Variants in CACNA2D3 observed in about 807,000 individuals in gnomAD.
CACNA2D3 encodes the protein voltage-dependent calcium channel subunit alpha-2/delta-3.
Under a neutral mutation model 160.6 loss-of-function variants are expected in CACNA2D3, and 60 were observed. The observed-to-expected ratio is 0.37, with a 90% CI of 0.30 to 0.46. CACNA2D3 has a LOEUF of 0.46. CACNA2D3 is among the 20% of genes least tolerant of loss of function. The probability of loss-of-function intolerance (pLI) is 1.00; values close to 1 mark genes in which losing one functional copy is unlikely to be tolerated. For missense variants in CACNA2D3, 1,205 were observed against 1,365.0 expected, an observed-to-expected ratio of 0.88 and a Z score of 1.85; for synonymous variants, 558 against 492.9, an observed-to-expected ratio of 1.13 and a Z score of -1.75.
intron 5 of CACNA2D3, among the ~76,000 whole-genome samples, chr3:54,541,747 C>T (rs1361693736): frequency 6.6e-6 from 1 of 152,152 alleles, no homozygotes; most frequent in Non-Finnish European, 1.5e-5. Context: ...GAGGATCTGT[C>T]CTGAATTAGA....
chr3:54,274,741 G>A (rs1198256397), intron 2 of CACNA2D3, among the ~76,000 whole-genome samples: 1 of 152,180 alleles, frequency 6.6e-6, no homozygotes, highest in Non-Finnish European at 1.5e-5. Context: ...TCGGCTAGGG[G>A]GGAACTGCAT....
At chr3:54,444,517 T>A (rs1471285162) in intron 4 of CACNA2D3, among the ~76,000 whole-genome samples, 2 of 152,204 alleles carry the variant, frequency 1.3e-5, no homozygotes, top group Non-Finnish European at 2.9e-5. Flanking sequence ...GGTGGGCCTT[T>A]TCATAAACTG....
chr3:54,937,340 T>C (rs1304216791), intron 27 of CACNA2D3, among the ~76,000 whole-genome samples: 1 of 152,180 alleles, frequency 6.6e-6, no homozygotes, highest in Non-Finnish European at 1.5e-5. Flanking sequence ...AGAAATTCAT[T>C]ATACCACTAT....
At chr3:54,575,615 C>A (rs898574445) in intron 8 of CACNA2D3, among the ~76,000 whole-genome samples, 1 of 152,108 alleles carries the variant, frequency 6.6e-6, no homozygotes, top group African/African-American at 2.4e-5. Flanking sequence ...TTGGGGGCTA[C>A]CAGGAAGCAG....
At chr3:54,914,068 CGTGTT>C (rs1391979655) in intron 27 of CACNA2D3, among the ~76,000 whole-genome samples, 1 of 152,118 alleles carries the variant, frequency 6.6e-6, no homozygotes, top group Non-Finnish European at 1.5e-5. Flanking sequence ...TGGTGAGGAT[CGTGTT>C]GTGTTATCTA....
At chr3:54,421,000 C>G (rs1699828454) in intron 4 of CACNA2D3, among the ~76,000 whole-genome samples, 1 of 152,296 alleles carries the variant, frequency 6.6e-6, no homozygotes, top group African/African-American at 2.4e-5. Context: ...CTGTTTTCTT[C>G]CTCTATTGGG....
chr3:54,511,325 C>T (rs1701455414), intron 5 of CACNA2D3, among the ~76,000 whole-genome samples: 1 of 152,024 alleles, frequency 6.6e-6, no homozygotes, highest in South Asian at 2.1e-4. Context: ...ACTCTCCTCC[C>T]TTGAACTTGG....
chr3:54,376,105 C>T lies in CACNA2D3; in HGVS notation c.322-10610C>T, dbSNP rs576412590. ...GGGTCTTATGGCCCATGAGACCTCCCGCTGCACACAGGCCACAGTACTCCT... is the reference window on the plus strand; with the variant it reads ...GGGTCTTATGGCCCATGAGACCTCCTGCTGCACACAGGCCACAGTACTCCT... On this transcript the variant is annotated intron_variant, in intron 3 of 37. Transcript: ENST00000474759. Among the ~76,000 whole-genome samples the T allele has an allele frequency of 4.6e-5, 7 of 152,206 alleles. No homozygotes were observed. The South Asian group carries it at 6.2e-4, about 14-fold the overall frequency.
chr3:54,233,424 A>G (rs1218777725), intron 2 of CACNA2D3, among the ~76,000 whole-genome samples: 1 of 152,214 alleles, frequency 6.6e-6, no homozygotes, highest in African/African-American at 2.4e-5. Flanking sequence ...AGCACCAATG[A>G]ATGCCACAGG....
intron 14 of CACNA2D3, among the ~76,000 whole-genome samples, chr3:54,822,822 T>TCTTG (rs1703663428): frequency 9.0e-6 from 1 of 110,884 alleles, no homozygotes; most frequent in East Asian, 2.5e-4. Context: ...TTTCTTTCTT[T>TCTTG]CTTTCTTTCT....
At chr3:54,236,689 A>G (rs1231681539) in intron 2 of CACNA2D3, among the ~76,000 whole-genome samples, 1 of 152,160 alleles carries the variant, frequency 6.6e-6, no homozygotes, top group African/African-American at 2.4e-5. Flanking sequence ...AAATAATGCA[A>G]AGCTCGTTTG....
chr3:54,519,633 T>A (rs1298746086), intron 5 of CACNA2D3, among the ~76,000 whole-genome samples: 1 of 152,184 alleles, frequency 6.6e-6, no homozygotes, highest in African/African-American at 2.4e-5. Flanking sequence ...ATAAATAGCT[T>A]AGTCGTAGGA....
intron 27 of CACNA2D3, among the ~76,000 whole-genome samples, chr3:54,946,355 C>A (rs1244078802): frequency 6.6e-6 from 1 of 152,208 alleles, no homozygotes; most frequent in Non-Finnish European, 1.5e-5. Flanking sequence ...TGCATAATAT[C>A]TGTATGCCTT....
At chr3:54,848,644 G>T (rs971151795) in intron 17 of CACNA2D3, among the ~76,000 whole-genome samples, 1 of 152,204 alleles carries the variant, frequency 6.6e-6, no homozygotes, top group Admixed American at 6.5e-5. Flanking sequence ...GTCAATAAGT[G>T]TATGTTGACT....
At position 54,976,806 on chromosome 3, in the gene CACNA2D3, A is replaced by AGAAGTG. The variant is rs1490260927; in HGVS notation, c.2556+6964_2556+6969dup. ...CTCTCAGCTCTGTTCCTTCCACACC[A>AGAAGTG]GAAGTGGGAGTGGGAGGGAGCAGGG... is the stretch of plus-strand genomic sequence containing the variant. On this transcript the variant is annotated intron_variant, in intron 29 of 37. Coordinates refer to ENST00000474759, the MANE Select transcript of CACNA2D3 (RefSeq NM_018398.3). 9.9e-5 allele frequency among the ~76,000 whole-genome samples: 15 copies of AGAAGTG among 152,246 alleles called. No individual in the cohort carries two copies. The East Asian group carries it at 2.9e-3, about 29-fold the overall frequency.
intron 11 of CACNA2D3, among the ~76,000 whole-genome samples, chr3:54,671,162 T>G (rs1413288373): frequency 6.6e-6 from 1 of 151,738 alleles, no homozygotes; most frequent in African/African-American, 2.4e-5. Flanking sequence ...ATCCTCCATT[T>G]TGGAAGTTAA....
chr3:54,323,945 G>C (rs1256175765), intron 3 of CACNA2D3, among the ~76,000 whole-genome samples: 1 of 152,136 alleles, frequency 6.6e-6, no homozygotes, highest in East Asian at 1.9e-4. Flanking sequence ...GTGAATCAGT[G>C]GTGACTCCAG....
At chr3:54,419,432 T>C (rs571967945) in intron 4 of CACNA2D3, among the ~76,000 whole-genome samples, 3 of 152,316 alleles carry the variant, frequency 2.0e-5, no homozygotes, top group Non-Finnish European at 2.9e-5. Flanking sequence ...CCTTTATATA[T>C]GAGTAGAGAA....
chr3:54,283,411 A>G (rs368604276), intron 2 of CACNA2D3, among the ~76,000 whole-genome samples: 3 of 152,240 alleles, frequency 2.0e-5, no homozygotes, highest in South Asian at 2.1e-4. Flanking sequence ...TATAATGTGA[A>G]GTTGCATATC....
Sources: allele counts gnomAD v4.1 joint callset (sites outside exome capture counted in the v4.1 genomes callset), GRCh38; gene constraint gnomAD v4.1.1; transcripts MANE v1.5; gene names NCBI Gene and HGNC (gene_info 2026-07-23, HGNC 2026-07-21).